The following PDE8B variants were observed in gnomAD, a reference collection of about 807,000 sequenced individuals.
PDE8B encodes high affinity cAMP-specific and IBMX-insensitive 3',5'-cyclic phosphodiesterase 8B.
A neutral mutation model predicts 101.3 loss-of-function variants in PDE8B; 26 were observed. The observed-to-expected ratio is 0.26, with a 90% CI of 0.19 to 0.36. The LOEUF is 0.36. Among genes scored for constraint, PDE8B ranks in the 10% least tolerant of loss-of-function variants. The pLI, the probability that PDE8B is intolerant of heterozygous loss-of-function variation, is 1.00. For synonymous variants in PDE8B, 424 were observed against 429.3 expected, an observed-to-expected ratio of 0.99 and a Z score of 0.15; for missense variants, 810 against 1,163.1, an observed-to-expected ratio of 0.70 and a Z score of 4.42.
the PDE8B span, among the ~76,000 whole-genome samples, chr5:77,109,122 G>A: frequency 6.6e-6 from 1 of 152,202 alleles, no homozygotes. Context: ...GATTAATGAT[G>A]CATAGCCATG....
intron 1 of PDE8B, among the ~76,000 whole-genome samples, chr5:77,214,462 A>G (rs774603135): frequency 1.3e-5 from 2 of 152,218 alleles, no homozygotes; most frequent in Admixed American, 6.5e-5. Flanking sequence ...CTAGCGATTC[A>G]GGAAATATCC....
chr5:77,274,313 G>A (rs933360581), intron 1 of PDE8B, among the ~76,000 whole-genome samples: 1 of 152,156 alleles, frequency 6.6e-6, no homozygotes, highest in South Asian at 2.1e-4. Flanking sequence ...TTTTGCTCAA[G>A]GCCACACAGG....
intron 10 of PDE8B, among the ~76,000 whole-genome samples, chr5:77,391,756 G>T (rs988048385): frequency 3.9e-5 from 6 of 152,218 alleles, no homozygotes; most frequent in Admixed American, 6.5e-5. Context: ...ACGCAAGAAA[G>T]GCTTTTTGTT....
chr5:77,114,831 A>C, the PDE8B span: 2 of 152,238 alleles, frequency 1.3e-5, no homozygotes, highest in Non-Finnish European at 2.9e-5. Context: ...ATGCAAGTTG[A>C]TAACCAACAA....
chr5:77,398,332 T>A (rs1791520648), intron 10 of PDE8B, among the ~76,000 whole-genome samples: 1 of 126,524 alleles, frequency 7.9e-6, no homozygotes, highest in African/African-American at 2.7e-5. Context: ...TTTTTTTTTT[T>A]TTTTTTTGAA....
At chr5:77,267,871 A>G (rs1762065544) in intron 1 of PDE8B, among the ~76,000 whole-genome samples, 1 of 152,258 alleles carries the variant, frequency 6.6e-6, no homozygotes, top group African/African-American at 2.4e-5. Flanking sequence ...TTAGTGAGCC[A>G]ATAAGTTGTC....
At chr5:77,296,032 C>T (rs1561485545) in intron 1 of PDE8B, among the ~76,000 whole-genome samples, 1 of 152,190 alleles carries the variant, frequency 6.6e-6, no homozygotes, top group Non-Finnish European at 1.5e-5. Flanking sequence ...CAAATGACTA[C>T]CCCTAACCAA....
chr5:77,217,730 T>A (rs1750111288), intron 1 of PDE8B, among the ~76,000 whole-genome samples: 1 of 152,018 alleles, frequency 6.6e-6, no homozygotes, highest in Admixed American at 6.5e-5. Flanking sequence ...AGAGATGGGG[T>A]CTCGCCACGT....
the PDE8B span, among the ~76,000 whole-genome samples, chr5:77,116,955 C>A: frequency 6.6e-6 from 1 of 152,174 alleles, no homozygotes; most frequent in East Asian, 1.9e-4. Flanking sequence ...GTGCCCTTTC[C>A]CCCCAGGCTC....
rs542640524 is a variant in PDE8B, at chr5:77,249,280, A to G, written c.339+38016A>G. Among the ~76,000 whole-genome samples, 18 of 152,346 alleles carry G rather than the reference A, an allele frequency of 1.2e-4. No individual in the cohort carries two copies. The East Asian group carries it at 3.3e-3, about 28-fold the overall frequency. ...AGCATTTAACTATTTTCTGTTTACA[A>G]AAGTCACACCACAAACACTGTCCAC... On this transcript the variant is annotated intron_variant, in intron 1 of 21. Coordinates refer to ENST00000264917, the MANE Select transcript of PDE8B (RefSeq NM_003719.5).
chr5:77,327,749 T>C (rs1372709615), intron 3 of PDE8B, among the ~76,000 whole-genome samples: 1 of 152,214 alleles, frequency 6.6e-6, no homozygotes, highest in African/African-American at 2.4e-5. Flanking sequence ...TATTGACTTA[T>C]GCCTCCTGCC....
the PDE8B span, among the ~76,000 whole-genome samples, chr5:77,162,750 A>G: frequency 1.3e-5 from 2 of 152,232 alleles, no homozygotes; most frequent in Admixed American, 6.5e-5. Flanking sequence ...AAGCTAGCCC[A>G]TTACAATCTA....
Position 77,418,408 on chromosome 5 carries a change from C to T in PDE8B, c.2091C>T (p.Val697=). The T allele has an allele frequency of 1.2e-6, 2 of 1,613,974 alleles. No individual in the cohort carries two copies. The highest frequency in any genetic ancestry group is 1.7e-6 in the Non-Finnish European group (2 of 1,179,926). ...CCGCCCTGGCCTTCCAGCTCACGGT[C>T]AAGGACACCAAATGCAACATTTTCA... ...HHTALAFQLT[V]KDTKCNIFKN... The change falls in exon 18 of 22, where the codon GTC becomes GTT. Residue 697 remains valine, a synonymous_variant. Transcript: ENST00000264917.
intron 5 of PDE8B, among the ~76,000 whole-genome samples, chr5:77,336,966 G>A (rs932315705): frequency 4.6e-5 from 7 of 152,184 alleles, no homozygotes; most frequent in African/African-American, 1.2e-4. Context: ...CAGGCATTCC[G>A]TGCTCTAGAG....
At chr5:77,206,786 A>T (rs1273560388), upstream of PDE8B, among the ~76,000 whole-genome samples, 2 of 152,212 alleles carry the variant, frequency 1.3e-5, no homozygotes, top group African/African-American at 4.8e-5. Context: ...CTGGGATGGA[A>T]CCAGGGAACT....
intron 1 of PDE8B, among the ~76,000 whole-genome samples, chr5:77,275,661 C>G (rs1763708984): frequency 6.6e-6 from 1 of 152,194 alleles, no homozygotes; most frequent in African/African-American, 2.4e-5. Flanking sequence ...TCCTTAGTTA[C>G]TCTGTGAACT....
upstream of PDE8B, among the ~76,000 whole-genome samples, chr5:77,208,670 G>T (rs1747702932): frequency 6.6e-6 from 1 of 152,190 alleles, no homozygotes; most frequent in African/African-American, 2.4e-5. Context: ...ACTGTGGGTG[G>T]AGGCTATGAT....
chr5:77,106,394 C>A, the PDE8B span, among the ~76,000 whole-genome samples: 34 of 152,290 alleles, frequency 2.2e-4, no homozygotes, highest in Admixed American at 2.2e-3. Context: ...AATGTCCTAG[C>A]ACCATTTGCC....
chr5:77,097,396 T>C, the PDE8B span, among the ~76,000 whole-genome samples: 5 of 152,004 alleles, frequency 3.3e-5, no homozygotes, highest in Non-Finnish European at 7.4e-5. Context: ...GATAGTTTGA[T>C]GAATTAAGAA....
Sources: allele counts gnomAD v4.1 joint callset (sites outside exome capture counted in the v4.1 genomes callset), GRCh38; gene constraint gnomAD v4.1.1; transcripts MANE v1.5; gene names NCBI Gene and HGNC (gene_info 2026-07-23, HGNC 2026-07-21).